The following MYBPH variants were observed in gnomAD, a reference collection of about 807,000 sequenced individuals.
MYBPH encodes myosin binding protein H.
MYBPH carries 49 observed loss-of-function variants against 53.6 expected under a neutral mutation model. The ratio of observed to expected loss-of-function variants is 0.91; its 90% CI spans 0.73 to 1.16. The LOEUF (loss-of-function observed/expected upper bound fraction) is 1.16. MYBPH is among the 50% of genes most tolerant of loss of function. The probability of loss-of-function intolerance (pLI) is 0.00; values close to 1 mark genes in which losing one functional copy is unlikely to be tolerated. For synonymous variants in MYBPH, 239 were observed against 249.6 expected, an observed-to-expected ratio of 0.96 and a Z score of 0.40; for missense variants, 558 against 624.1, an observed-to-expected ratio of 0.89 and a Z score of 1.13.
Position 203,170,295 on chromosome 1 carries a change from C to T in MYBPH, c.1089G>A (p.Lys363=), listed in dbSNP as rs763120482. 2 of 1,614,108 alleles carry T rather than the reference C, an allele frequency of 1.2e-6. No homozygotes were observed. Among genetic ancestry groups the T allele is most frequent in the Non-Finnish European group, 8.5e-7 (1 of 1,179,998 alleles). Residue 363 remains lysine (K), a synonymous_variant, in exon 7 of 11, where the codon AAG becomes AAA. Transcript: ENST00000255416. ...CAGCTCCGGGCCCAAACCCACCTGC[C>T]TTCTGGATGTGGGCGAGCTCCTTGG... The part of the protein sequence containing the change: ...TVTKELAHIQ[K]ADIAAKPKGF...
At chr1:203,177,261 G>A (rs1189210926), upstream of MYBPH, among the ~76,000 whole-genome samples, 1 of 152,228 alleles carries the variant, frequency 6.6e-6, no homozygotes, top group African/African-American at 2.4e-5. Context: ...GTGATCGTGA[G>A]GGCTGCAGGG....
In MYBPH at chr1:203,171,020, C is replaced by T; in HGVS notation, c.933+41G>A. 6.5e-7 allele frequency: 1 copy of T among 1,538,266 alleles called. No homozygotes were observed. Among genetic ancestry groups the T allele is most frequent in the Non-Finnish European group, 8.7e-7 (1 of 1,143,788 alleles). On this transcript the variant is annotated intron_variant, in intron 6 of 10. Coordinates refer to ENST00000255416, the MANE Select transcript of MYBPH (RefSeq NM_004997.3). The surrounding 1 kb of genome is among the most constrained non-coding windows in gnomAD (Gnocchi z 4.2). The stretch of plus-strand genomic sequence containing the variant: ...GATGGGCCTTCCCCACCACCTTGAC[C>T]ACTTCGTACCCCGACCCCACTTTGC...
At chr1:203,178,402 C>T (rs984983275), upstream of MYBPH, among the ~76,000 whole-genome samples, 9 of 152,190 alleles carry the variant, frequency 5.9e-5, no homozygotes, top group African/African-American at 9.7e-5. Flanking sequence ...CCAAGGTAAT[C>T]GGCTGCCCCT....
At chr1:203,174,161 G>C (rs1355384728) in intron 3 of MYBPH, among the ~76,000 whole-genome samples, 3 of 152,180 alleles carry the variant, frequency 2.0e-5, no homozygotes. Flanking sequence ...GGTGACCCAG[G>C]GAACTTGACC....
chr1:203,175,881 A>T (rs574932721), upstream of MYBPH: 1,120 of 929,038 alleles, frequency 1.2e-3, no homozygotes, highest in Non-Finnish European at 1.6e-3. Flanking sequence ...CACCCCCAGC[A>T]AACGATTCCC....
upstream of MYBPH, among the ~76,000 whole-genome samples, chr1:203,177,516 G>A (rs1014871663): frequency 6.6e-6 from 1 of 152,228 alleles, no homozygotes; most frequent in Non-Finnish European, 1.5e-5. Flanking sequence ...GCTGGGGAGT[G>A]GCAGTGCAGG....
rs1169133037 is a variant in MYBPH, at chr1:203,169,038, G to A, written c.1285C>T (p.Arg429Cys). Residue 429 changes from arginine (R) to cysteine (C), a missense_variant, in exon 9 of 11, where the codon CGC (arginine) becomes TGC (cysteine). Physicochemically the swap from Arg to Cys is radical, Grantham distance 180. Transcript: ENST00000255416. ...CAGACGCCTTGCTCAGAGAGGGCGC[G>A]GTATTTGGGGTTGCCCTGGATCTCC... ...KMEIQGNPKY[R>C]ALSEQGVCTL... 8 of 1,613,948 alleles carry A rather than the reference G, an allele frequency of 5.0e-6. No homozygotes were observed. Among genetic ancestry groups the A allele is most frequent in the African/African-American group, 2.7e-5 (2 of 75,050 alleles).
chr1:203,168,444 C>T lies in MYBPH; in HGVS notation c.*32+183G>A, dbSNP rs534607956. On this transcript the variant is annotated intron_variant, in intron 10 of 10. Coordinates refer to ENST00000255416, the MANE Select transcript of MYBPH (RefSeq NM_004997.3). ...CCCCCCTTCCAGGAGACACCGGCAT[C>T]GCCTGGCCCTGCAACATCACTGTGA... Among the ~76,000 whole-genome samples, 20 of 152,328 alleles carry T rather than the reference C, an allele frequency of 1.3e-4. No individual in the cohort carries two copies. The South Asian group carries it at 1.9e-3, about 14-fold the overall frequency.
rs946428561 is a variant in MYBPH at position 203,174,991 on chromosome 1, C to T, written c.340+336G>A. On this transcript the variant is annotated intron_variant, in intron 2 of 10. Coordinates refer to ENST00000255416, the MANE Select transcript of MYBPH (RefSeq NM_004997.3). ...ACGCTAACATTCCCCTCTCCAGCTC[C>T]TCCCTTTCCACTTCCTACAGTTCGG... is the stretch of plus-strand genomic sequence containing the variant. 3.9e-5 allele frequency among the ~76,000 whole-genome samples: 6 copies of T among 152,058 alleles called. No homozygotes were observed. The South Asian group carries it at 1.2e-3, about 32-fold the overall frequency.
rs773962976 is a variant in MYBPH at position 203,171,412 on chromosome 1, G to A, written c.764C>T (p.Ala255Val). The A allele has an allele frequency of 1.9e-6, 3 of 1,613,822 alleles. No individual in the cohort carries two copies. The highest frequency in any genetic ancestry group is 2.5e-6 in the Non-Finnish European group (3 of 1,179,950). The change falls in exon 5 of 11, where the codon GCC becomes GTC. Residue 255 changes from alanine (A) to valine (V), a missense_variant. Transcript: ENST00000255416. This position sits in a 1 kb window ranked among gnomAD's most constrained non-coding sequence, Gnocchi z 4.2. ...ELTVRVEDLE[A>V]KAVIDILVIE... ...CACCAGGATGTCAATGACTGCCTTG[G>A]CCTCCAGGTCTTCCACGCGCACAGT...
intron 7 of MYBPH, 143 bp downstream of exon 7, chr1:203,170,147 TA>T: frequency 1.1e-6 from 1 of 948,684 alleles, no homozygotes; most frequent in Non-Finnish European, 1.6e-6. Context: ...CATGTGTGTG[TA>T]TGCATAGCCG....
chr1:203,171,877 C>T lies in MYBPH; in HGVS notation c.597+75G>A. ...TCAGCTGGACCCTTGGAGACCCTGC[C>T]ATCTCCCAGGCTCCCCTTAAATGGG... is the stretch of plus-strand genomic sequence containing the variant. On this transcript the variant is annotated intron_variant, in intron 4 of 10. Coordinates refer to ENST00000255416, the MANE Select transcript of MYBPH (RefSeq NM_004997.3). The surrounding 1 kb of genome is among the most constrained non-coding windows in gnomAD (Gnocchi z 4.2). The T allele has an allele frequency of 1.0e-6, 1 of 980,412 alleles. No individual in the cohort carries two copies. The allele number at this position is 980,412 out of a possible 1,614,324, so 60.7% of individuals were successfully genotyped here.
intron 3 of MYBPH, among the ~76,000 whole-genome samples, chr1:203,173,572 C>G (rs1329084248): frequency 6.6e-6 from 1 of 152,246 alleles, no homozygotes; most frequent in Non-Finnish European, 1.5e-5. Context: ...TCTCTCAGGC[C>G]TCAGAGCTGA....
rs372799255 is a variant in MYBPH at position 203,171,472 on chromosome 1, G to A, written c.704C>T (p.Ser235Leu). ...GDQDSILFIR[S>L]AQRSDSGRYE... ...GCGGCCAGAGTCGGAGCGCTGGGCC[G>A]AGCGAATGAAGAGGATGGAGTCCTG... The change falls in exon 5 of 11, where the codon TCG becomes TTG. Residue 235 changes from serine to leucine, a missense_variant. Physicochemically the swap from Ser to Leu is moderately radical, Grantham distance 145. Transcript: ENST00000255416. The surrounding 1 kb of genome is among the most constrained non-coding windows in gnomAD (Gnocchi z 4.2). 9 of 1,613,902 alleles carry A rather than the reference G, an allele frequency of 5.6e-6. No individual in the cohort carries two copies. Among genetic ancestry groups the A allele is most frequent in the Middle Eastern group, 1.7e-4 (1 of 6,060 alleles).
At chr1:203,170,618 G>A (rs1655677209) in intron 6 of MYBPH, among the ~76,000 whole-genome samples, 168 bp from the exon 7 acceptor site, 1 of 152,142 alleles carries the variant, frequency 6.6e-6, no homozygotes, top group Non-Finnish European at 1.5e-5. Flanking sequence ...GGGCCCCTGG[G>A]TCACTCAGGT....
Position 203,167,873 on chromosome 1 carries a change from A to G in MYBPH, c.*251T>C, listed in dbSNP as rs964588344. On this transcript the variant is annotated 3_prime_UTR_variant, in exon 11 of 11. Coordinates refer to ENST00000255416, the MANE Select transcript of MYBPH (RefSeq NM_004997.3). ...CACCCAGAGTGCAACTCCGCAGGGCACTCCAATCTCTGCGCCTTCCAGCAC... is the reference window on the plus strand; with the variant it reads ...CACCCAGAGTGCAACTCCGCAGGGCGCTCCAATCTCTGCGCCTTCCAGCAC... The G allele has an allele frequency of 1.3e-5, 2 of 152,700 alleles. No homozygotes were observed. Among genetic ancestry groups the G allele is most frequent in the African/African-American group, 2.4e-5 (1 of 41,346 alleles). 9.5% of individuals were successfully genotyped at this position (152,700 alleles called of 1,614,324 possible).
At position 203,168,666 on chromosome 1, in the gene MYBPH, G is replaced by A. The variant is rs1211283302; in HGVS notation, c.1427C>T (p.Ala476Val). 2.6e-6 allele frequency: 4 copies of A among 1,559,714 alleles called. No homozygotes were observed. In the South Asian group the frequency reaches 4.7e-5, roughly 18 times the overall value. Residue 476 changes from alanine (A) to valine (V), a missense_variant, in exon 10 of 11, where the codon GCA becomes GTA. Ala to Val is a moderately conservative substitution (Grantham distance 64). Coordinates refer to ENST00000255416, the MANE Select transcript of MYBPH (RefSeq NM_004997.3). ...DCRLEVKASA[A>V]H ...CAGCCTCCTCCCGTGACTTCAGTGT[G>A]CGGCTGAGGCTGGAAGAGATGCTGC...
upstream of MYBPH, among the ~76,000 whole-genome samples, chr1:203,178,569 C>G (rs1031852109): frequency 6.6e-6 from 1 of 152,226 alleles, no homozygotes; most frequent in African/African-American, 2.4e-5. Flanking sequence ...GCTCCCACCA[C>G]CTTCCTGTGG....
rs76686459 is a variant in MYBPH, at chr1:203,170,912, C to T, written c.933+149G>A. ...CATCTGAGGTCCAGAGAGGAAGAGT[C>T]TTGCTAAGGGCCTCCTAGGGAGTCA... On this transcript the variant is annotated intron_variant, in intron 6 of 10. Transcript: ENST00000255416. The T allele has an allele frequency of 3.6e-6, 4 of 1,108,638 alleles. No individual in the cohort carries two copies. In the African/African-American group the frequency reaches 4.7e-5, roughly 13 times the overall value. The allele number at this position is 1,108,638 out of a possible 1,614,324, so 68.7% of individuals were successfully genotyped here.
Sources: allele counts gnomAD v4.1 joint callset (sites outside exome capture counted in the v4.1 genomes callset), GRCh38; gene constraint gnomAD v4.1.1; non-coding constraint Gnocchi (gnomAD v3.1); transcripts MANE v1.5; gene names NCBI Gene and HGNC (gene_info 2026-07-23, HGNC 2026-07-21).